ZNF609: variants seen among roughly 807,000 people sequenced by gnomAD.
The protein encoded by ZNF609 is zinc finger protein 609.
Under a neutral mutation model 109.5 loss-of-function variants are expected in ZNF609, and 11 were observed. That is an observed-to-expected ratio of 0.10 (90% CI 0.06 to 0.17). The LOEUF is 0.17. ZNF609 is among the 10% of genes least tolerant of loss of function. ZNF609 has a pLI of 1.00. For missense variants in ZNF609, 1,559 were observed against 1,772.4 expected (o/e 0.88, Z 2.16); for synonymous variants, 646 against 662.0 (o/e 0.98, Z 0.37).
chr15:64,642,969 G>C (rs1458052328), intron 3 of ZNF609, among the ~76,000 whole-genome samples: 1 of 152,150 alleles, frequency 6.6e-6, no homozygotes, highest in Non-Finnish European at 1.5e-5. Context: ...ACTCTTGGAA[G>C]TTTCTGAATA....
chr15:64,538,942 G>A (rs139672437), intron 2 of ZNF609, among the ~76,000 whole-genome samples: 9 of 151,094 alleles, frequency 6.0e-5, no homozygotes, highest in South Asian at 2.1e-4. Flanking sequence ...TCACGCAATC[G>A]TCCCGCTTCA....
intron 3 of ZNF609, among the ~76,000 whole-genome samples, chr15:64,634,341 GTGGTAGCTCCGCTGAGA>G: frequency 6.6e-6 from 1 of 152,292 alleles, no homozygotes; most frequent in Non-Finnish European, 1.5e-5. Context: ...TAGTCTGCCT[GTGGTAGCTCCGCTGAGA>G]ACCTGCCCCA....
At chr15:64,659,750 G>C (rs773418560) in intron 3 of ZNF609, among the ~76,000 whole-genome samples, 3 of 151,970 alleles carry the variant, frequency 2.0e-5, no homozygotes, top group Non-Finnish European at 4.4e-5. Flanking sequence ...TCTGTATATG[G>C]GAAGTCCCCA....
intron 1 of ZNF609, among the ~76,000 whole-genome samples, chr15:64,478,405 C>G (rs944313200): frequency 6.6e-5 from 10 of 151,950 alleles, no homozygotes; most frequent in African/African-American, 2.4e-4. Flanking sequence ...GAGTCTCACT[C>G]TGTTGCCCAG....
Position 64,577,281 on chromosome 15 carries a change from A to G in ZNF609, c.748-45546A>G, listed in dbSNP as rs146348457. 1.3e-3 allele frequency among the ~76,000 whole-genome samples: 41 copies of G among 32,222 alleles called. 9 individuals carry two copies. Among genetic ancestry groups the G allele is most frequent in the East Asian group, 4.0e-3 (1 of 250 alleles). The allele number at this position is 32,222 out of a possible 152,430, so 21.1% of individuals were successfully genotyped here. A position where few individuals can be genotyped will look rare whatever the true frequency, so the allele number is the denominator to read the frequency against. On this transcript the variant is annotated intron_variant, in intron 2 of 9. Transcript: ENST00000326648. ...TACACACAAATATATACATATATGTATATATATACACACAAATATATACAT... is the reference window on the plus strand; with the variant it reads ...TACACACAAATATATACATATATGTGTATATATACACACAAATATATACAT...
chr15:64,515,766 A>G (rs1291786696), intron 2 of ZNF609, among the ~76,000 whole-genome samples: 1 of 151,342 alleles, frequency 6.6e-6, no homozygotes, highest in Non-Finnish European at 1.5e-5. Context: ...GTGAAACCCC[A>G]TTTCTACTAA....
intron 2 of ZNF609, among the ~76,000 whole-genome samples, chr15:64,615,589 C>T (rs1184314087): frequency 1.3e-5 from 2 of 151,104 alleles, no homozygotes; most frequent in African/African-American, 4.9e-5. Flanking sequence ...TGGGTTCAAG[C>T]GATTCTCCTG....
chr15:64,603,594 A>G (rs1895542570), intron 2 of ZNF609, among the ~76,000 whole-genome samples: 1 of 151,950 alleles, frequency 6.6e-6, no homozygotes, highest in South Asian at 2.1e-4. Flanking sequence ...TATCATGACA[A>G]GTAATCTCCC....
intron 2 of ZNF609, among the ~76,000 whole-genome samples, chr15:64,522,976 A>G (rs980184246): frequency 2.0e-5 from 3 of 151,902 alleles, no homozygotes; most frequent in African/African-American, 7.2e-5. Flanking sequence ...GTGGTTAAAA[A>G]AAAAAAAAAA....
At chr15:64,534,227 T>C (rs1224250977) in intron 2 of ZNF609, among the ~76,000 whole-genome samples, 1 of 151,860 alleles carries the variant, frequency 6.6e-6, no homozygotes, top group African/African-American at 2.4e-5. Flanking sequence ...GTCAGGCTGG[T>C]CTTGAACTCC....
At chr15:64,530,619 C>T (rs1894046810) in intron 2 of ZNF609, among the ~76,000 whole-genome samples, 1 of 152,160 alleles carries the variant, frequency 6.6e-6, no homozygotes, top group South Asian at 2.1e-4. Flanking sequence ...TTCTTCCATT[C>T]TTAGCATCTT....
intron 1 of ZNF609, among the ~76,000 whole-genome samples, chr15:64,494,775 T>G (rs1232885430): frequency 6.6e-6 from 1 of 152,162 alleles, no homozygotes; most frequent in Non-Finnish European, 1.5e-5. Context: ...TCCACCCGTC[T>G]AGGCCTCCCA....
chr15:64,473,240 C>T (rs1893116542), intron 1 of ZNF609, among the ~76,000 whole-genome samples: 1 of 141,812 alleles, frequency 7.1e-6, no homozygotes, highest in Non-Finnish European at 1.5e-5. Context: ...GCTCTGTCGC[C>T]CAGGCTGGAG....
intron 2 of ZNF609, among the ~76,000 whole-genome samples, chr15:64,584,926 T>C (rs1422471220): frequency 6.6e-6 from 1 of 150,448 alleles, no homozygotes; most frequent in Non-Finnish European, 1.5e-5. Context: ...CACGCCTGCC[T>C]GCTATTTTTA....
intron 3 of ZNF609, among the ~76,000 whole-genome samples, chr15:64,654,870 G>A (rs1896466626): frequency 6.6e-6 from 1 of 151,634 alleles, no homozygotes; most frequent in Admixed American, 6.6e-5. Context: ...GCCGAGGCAG[G>A]TGGATCACGA....
At position 64,680,221 on chromosome 15, in the gene ZNF609, A is replaced by G; in HGVS notation, c.3806A>G (p.Tyr1269Cys). The part of the protein sequence containing the change: ...YLPSSYSFSP[Y>C]GSKVSGGEDA... ...CCTTCCAGCTACTCTTTTTCCCCAT[A>G]TGGCAGCAAGGTCTCAGGTGGTGAA... The change falls in exon 7 of 10, where the codon TAT becomes TGT. Residue 1269 changes from tyrosine (Y) to cysteine (C), a missense_variant. By Grantham distance (194) the Tyr-to-Cys change is radical (BLOSUM62 -2). Around this residue, in one of 4 missense-constraint regions of ZNF609, gnomAD observed 1,204 missense variants for 1,314.1 expected, o/e 0.92. Coordinates refer to ENST00000326648, the MANE Select transcript of ZNF609 (RefSeq NM_015042.2). The G allele has an allele frequency of 1.2e-6, 2 of 1,613,946 alleles. No individual in the cohort carries two copies. Among genetic ancestry groups the G allele is most frequent in the South Asian group, 1.1e-5 (1 of 91,060 alleles).
rs760418144 is a variant in ZNF609, at chr15:64,674,086, G to A, written c.1232G>A (p.Arg411Gln). ...GCAGGAGCCAATAGCAAAGGCCGTC[G>A]GGGCAGCCAGAATTCTTCAGAGCAC... Reference protein sequence around the residue: ...TRAGANSKGRRGSQNSSEHRP... With the variant: ...TRAGANSKGRQGSQNSSEHRP... The change falls in exon 5 of 10, where the codon CGG becomes CAG. Residue 411 changes from arginine (R) to glutamine (Q), a missense_variant. Arg to Gln is a conservative substitution (Grantham distance 43). This residue lies in a region of ZNF609 where 1,204 missense variants were observed against 1,314.1 expected (regional missense o/e 0.92). Transcript: ENST00000326648. 9 of 1,614,022 alleles carry A rather than the reference G, an allele frequency of 5.6e-6. No homozygotes were observed. The highest frequency in any genetic ancestry group is 3.3e-5 in the Admixed American group (2 of 59,986).
At chr15:64,596,767 T>C (rs1895404762) in intron 2 of ZNF609, among the ~76,000 whole-genome samples, 1 of 152,212 alleles carries the variant, frequency 6.6e-6, no homozygotes, top group South Asian at 2.1e-4. Flanking sequence ...CAATAATTAT[T>C]TGTTAAATGG....
chr15:64,539,482 C>T (rs944631097), intron 2 of ZNF609, among the ~76,000 whole-genome samples: 3 of 151,252 alleles, frequency 2.0e-5, no homozygotes, highest in African/African-American at 7.3e-5. Flanking sequence ...GCTGGGATTA[C>T]AGGCGTGAGC....
Sources: gnomAD v4.1 joint callset for allele counts (sites outside exome capture counted in the v4.1 genomes callset) on GRCh38, gnomAD v4.1.1 for gene constraint, gnomAD v4.1.1 regional missense constraint, MANE v1.5 for transcripts, NCBI Gene and HGNC (gene_info 2026-07-23, HGNC 2026-07-21) for gene names.